Variants in YWHAB observed in about 807,000 individuals in gnomAD.
YWHAB encodes tyrosine 3-monooxygenase/tryptophan 5-monooxygenase activation protein beta, also known as 14-3-3 protein beta/alpha.
In YWHAB, 2 loss-of-function variants were observed where a neutral mutation model predicts 28.5. That is an observed-to-expected ratio of 0.07 (90% CI 0.03 to 0.22). YWHAB has a LOEUF of 0.22. Among genes scored for constraint, YWHAB ranks in the 10% least tolerant of loss-of-function variants. YWHAB has a pLI of 1.00. For missense variants in YWHAB, 148 were observed against 297.1 expected (o/e 0.50, Z 3.69); for synonymous variants, 103 against 104.7 (o/e 0.98, Z 0.10).
chr20:44,895,513 G>A (rs986676440), intron 1 of YWHAB, among the ~76,000 whole-genome samples: 1 of 152,202 alleles, frequency 6.6e-6, no homozygotes, highest in African/African-American at 2.4e-5. Flanking sequence ...CTGTCACCCA[G>A]GCTGGAGTGC....
intron 1 of YWHAB, among the ~76,000 whole-genome samples, chr20:44,891,928 CACAG>C (rs1051440795): frequency 8.5e-5 from 13 of 152,188 alleles, no homozygotes; most frequent in East Asian, 1.9e-4. Context: ...TAGAATGGCA[CACAG>C]ACAGTTTTAT....
chr20:44,899,221 T>G (rs2066612869), intron 1 of YWHAB, among the ~76,000 whole-genome samples: 1 of 150,428 alleles, frequency 6.6e-6, no homozygotes, highest in Admixed American at 6.6e-5. Flanking sequence ...GTCACGCCTG[T>G]AAGTCCCAGC....
In YWHAB at chr20:44,890,760, C is replaced by T. The variant is rs147902679; in HGVS notation, c.-4+4874C>T. 2.6e-3 allele frequency among the ~76,000 whole-genome samples: 401 copies of T among 152,138 alleles called. 4 individuals are homozygous for T. Among genetic ancestry groups the T allele is most frequent in the African/African-American group, 9.0e-3 (372 of 41,512 alleles). ...TCCTGACCTTGCGATCCACCTGCCT[C>T]GGCCTCCCAAAGTGCTGGGATTACA... On this transcript the variant is annotated intron_variant, in intron 1 of 5. Coordinates refer to ENST00000353703, the MANE Select transcript of YWHAB (RefSeq NM_139323.4).
chr20:44,904,027 C>T lies in YWHAB; in HGVS notation c.335C>T (p.Thr112Ile). ...LLDKYLIPNA[T>I]QPESKVFYLK... ...GACAAATATCTTATTCCCAATGCTACACAACCAGAAAGTAAGGTGTTCTAC... is the reference window on the plus strand; with the variant it reads ...GACAAATATCTTATTCCCAATGCTATACAACCAGAAAGTAAGGTGTTCTAC... Residue 112 changes from threonine to isoleucine, a missense_variant, in exon 3 of 6, where the codon ACA becomes ATA. Thr to Ile is a moderately conservative substitution (Grantham distance 89, BLOSUM62 -1). Transcript: ENST00000353703. 1.2e-6 allele frequency: 2 copies of T among 1,600,216 alleles called. No homozygotes were observed. The highest frequency in any genetic ancestry group is 1.7e-6 in the Non-Finnish European group (2 of 1,176,716).
intron 1 of YWHAB, chr20:44,886,367 G>A (rs2066527648): frequency 6.6e-6 from 1 of 152,230 alleles, no homozygotes; most frequent in Non-Finnish European, 1.5e-5. Context: ...ATGAGTAAGG[G>A]GTTTAACCTT....
chr20:44,890,879 T>C (rs1450842691), intron 1 of YWHAB, among the ~76,000 whole-genome samples: 1 of 152,128 alleles, frequency 6.6e-6, no homozygotes, highest in Admixed American at 6.5e-5. Flanking sequence ...TAAACTGTGA[T>C]AAGGGCCATT....
At chr20:44,899,204 G>A (rs2066612776) in intron 1 of YWHAB, among the ~76,000 whole-genome samples, 1 of 151,762 alleles carries the variant, frequency 6.6e-6, no homozygotes, top group Non-Finnish European at 1.5e-5. Context: ...TTGGCTAGGT[G>A]CAGTGGGTCA....
rs1173550718 is a variant in YWHAB at position 44,906,548 on chromosome 20, C to G, written c.*110C>G. On this transcript the variant is annotated 3_prime_UTR_variant, in exon 6 of 6. Coordinates refer to ENST00000353703, the MANE Select transcript of YWHAB (RefSeq NM_139323.4). ...AAAAAGAGAATCGTACGTCGACTTT[C>G]GATTTTTCACAGCCTCAGCCTAGGA... The G allele has an allele frequency of 2.1e-6, 2 of 967,552 alleles. No homozygotes were observed. Among genetic ancestry groups the G allele is most frequent in the African/African-American group, 3.3e-5 (2 of 60,598 alleles). 59.9% of individuals were successfully genotyped at this position (967,552 alleles called of 1,614,324 possible).
Position 44,906,567 on chromosome 20 carries a change from C to G in YWHAB, c.*129C>G, listed in dbSNP as rs2066658162. ...GACTTTCGATTTTTCACAGCCTCAG[C>G]CTAGGAAAAATGGTTCATGGGATAA... On this transcript the variant is annotated 3_prime_UTR_variant, in exon 6 of 6. Transcript: ENST00000353703. The G allele has an allele frequency of 1.3e-6, 1 of 786,938 alleles. No individual in the cohort carries two copies. The highest frequency in any genetic ancestry group is 1.9e-6 in the Non-Finnish European group (1 of 532,922). 48.7% of individuals were successfully genotyped at this position (786,938 alleles called of 1,614,324 possible).
At position 44,893,384 on chromosome 20, in the gene YWHAB, T is replaced by G. The variant is rs544820406; in HGVS notation, c.-4+7498T>G. Among the ~76,000 whole-genome samples, 8 of 152,206 alleles carry G rather than the reference T, an allele frequency of 5.3e-5. No individual in the cohort carries two copies. The East Asian group carries it at 9.6e-4, about 18-fold the overall frequency. ...GGTTTCTCTTTAAACAGAAAAACAC[T>G]TTTTTTCTTAAAAAAAGAAATAGTA... On this transcript the variant is annotated intron_variant, in intron 1 of 5. Transcript: ENST00000353703.
intron 1 of YWHAB, among the ~76,000 whole-genome samples, chr20:44,891,270 ATTTT>A (rs1199875185): frequency 3.9e-5 from 6 of 151,954 alleles, no homozygotes; most frequent in African/African-American, 7.3e-5. Flanking sequence ...TACCCGGCTA[ATTTT>A]TTTATATATT....
chr20:44,887,709 A>G (rs1215891973), intron 1 of YWHAB: 2 of 152,250 alleles, frequency 1.3e-5, no homozygotes, highest in African/African-American at 4.8e-5. Flanking sequence ...GGCTGTGGAT[A>G]GAGAAGCAGG....
At chr20:44,887,867 T>C (rs2066537442) in intron 1 of YWHAB, 1 of 152,232 alleles carries the variant, frequency 6.6e-6, no homozygotes, top group Non-Finnish European at 1.5e-5. Flanking sequence ...AAACTGTAAA[T>C]TGTTAAATAT....
chr20:44,887,250 C>CA (rs1362832806), intron 1 of YWHAB: 2 of 152,172 alleles, frequency 1.3e-5, no homozygotes, highest in Admixed American at 6.5e-5. Flanking sequence ...TAAAACCTGT[C>CA]AATCTTATTG....
intron 1 of YWHAB, among the ~76,000 whole-genome samples, chr20:44,896,936 A>C (rs955659955): frequency 1.3e-5 from 2 of 152,246 alleles, no homozygotes; most frequent in African/African-American, 4.8e-5. Context: ...GTATAATTAA[A>C]AATATTTGAA....
At position 44,906,508 on chromosome 20, in the gene YWHAB, A is replaced by G; in HGVS notation, c.*70A>G. The G allele has an allele frequency of 1.2e-6, 1 of 822,858 alleles. No individual in the cohort carries two copies. The allele number at this position is 822,858 out of a possible 1,614,324, so 51.0% of individuals were successfully genotyped here. On this transcript the variant is annotated 3_prime_UTR_variant, in exon 6 of 6. Coordinates refer to ENST00000353703, the MANE Select transcript of YWHAB (RefSeq NM_139323.4). ...CAACATATATCCCTTGTGCGATAAA[A>G]AAAAAAAAAAAAAAAAAAAGAGAAT... is the stretch of plus-strand genomic sequence containing the variant.
chr20:44,893,100 C>T (rs1236770502), intron 1 of YWHAB, among the ~76,000 whole-genome samples: 2 of 152,068 alleles, frequency 1.3e-5, no homozygotes, highest in East Asian at 1.9e-4. Context: ...AGGTAGTCTT[C>T]TTTTTCTTTT....
intron 1 of YWHAB, among the ~76,000 whole-genome samples, chr20:44,892,443 A>G (rs2066568459): frequency 6.6e-6 from 1 of 152,134 alleles, no homozygotes; most frequent in African/African-American, 2.4e-5. Context: ...ATTGATGTGT[A>G]ATAGATATAC....
intron 1 of YWHAB, among the ~76,000 whole-genome samples, chr20:44,893,337 A>G (rs1475348885): frequency 1.3e-5 from 2 of 152,310 alleles, no homozygotes; most frequent in Non-Finnish European, 1.5e-5. Context: ...ATTATTTTTC[A>G]TAGCTGTTTA....
Sources: gnomAD v4.1 joint callset for allele counts (sites outside exome capture counted in the v4.1 genomes callset) on GRCh38, gnomAD v4.1.1 for gene constraint, MANE v1.5 for transcripts, NCBI Gene and HGNC (gene_info 2026-07-23, HGNC 2026-07-21) for gene names.